The following EYS variants were observed in gnomAD, a reference collection of about 807,000 sequenced individuals.
The protein encoded by EYS is EGF-like photoreceptor maintenance factor.
In EYS, 250 loss-of-function variants were observed where a neutral mutation model predicts 282.1. The observed-to-expected ratio is 0.89, with a 90% CI of 0.80 to 0.98. The LOEUF (loss-of-function observed/expected upper bound fraction) is 0.98, where lower values mean the gene tolerates loss of function less well. EYS is among the 50% of genes least tolerant of loss of function. The pLI is 0.00. For synonymous variants in EYS, 1,355 were observed against 1,282.9 expected, an observed-to-expected ratio of 1.06 and a Z score of -1.20; for missense variants, 4,016 against 3,709.0, an observed-to-expected ratio of 1.08 and a Z score of -2.15.
chr6:64,296,147 A>T (rs1020410866), intron 30 of EYS, among the ~76,000 whole-genome samples: 3 of 152,272 alleles, frequency 2.0e-5, no homozygotes, highest in East Asian at 3.9e-4. Context: ...GTTTTGGCAT[A>T]ATATCAAAGA....
At chr6:65,291,885 T>G (rs893678997) in intron 12 of EYS, among the ~76,000 whole-genome samples, 4 of 151,598 alleles carry the variant, frequency 2.6e-5, no homozygotes, top group Middle Eastern at 3.2e-3. Flanking sequence ...CAGAATATAG[T>G]GCAGAGTGAT....
chr6:64,873,934 T>A (rs1200320149), intron 19 of EYS, among the ~76,000 whole-genome samples: 1 of 152,094 alleles, frequency 6.6e-6, no homozygotes, highest in Non-Finnish European at 1.5e-5. Context: ...ATTGCAAATG[T>A]CTTCAAAGCT....
chr6:64,060,213 T>C (rs1771117987), intron 33 of EYS, among the ~76,000 whole-genome samples: 1 of 152,200 alleles, frequency 6.6e-6, no homozygotes, highest in Non-Finnish European at 1.5e-5. Flanking sequence ...AAAGTTTTTA[T>C]ATATTTTAGA....
At chr6:65,218,477 A>G (rs1766374592) in intron 12 of EYS, among the ~76,000 whole-genome samples, 1 of 152,152 alleles carries the variant, frequency 6.6e-6, no homozygotes, top group Admixed American at 6.5e-5. Flanking sequence ...TCAGCAAAAC[A>G]AAAACAAAAC....
intron 29 of EYS, among the ~76,000 whole-genome samples, chr6:64,326,439 T>C (rs1397843658): frequency 2.6e-5 from 4 of 152,240 alleles, no homozygotes; most frequent in Admixed American, 2.0e-4. Flanking sequence ...CTTCCTTCTG[T>C]AACTTGCTTC....
chr6:64,154,548 G>A (rs1341526773), intron 31 of EYS, among the ~76,000 whole-genome samples: 1 of 148,914 alleles, frequency 6.7e-6, no homozygotes, highest in East Asian at 2.0e-4. Flanking sequence ...TTAGAAATTT[G>A]ATAAAATGGC....
At chr6:64,622,282 GC>G (rs892127333) in intron 23 of EYS, among the ~76,000 whole-genome samples, 4 of 152,128 alleles carry the variant, frequency 2.6e-5, no homozygotes, top group African/African-American at 9.6e-5. Flanking sequence ...GCTTACCATG[GC>G]CCTGTCATGA....
intron 22 of EYS, among the ~76,000 whole-genome samples, chr6:64,714,399 A>G (rs1176435221): frequency 6.6e-6 from 1 of 152,348 alleles, no homozygotes; most frequent in East Asian, 1.9e-4. Flanking sequence ...AGAAGGCAAT[A>G]TGACATAATA....
At chr6:64,716,636 A>C (rs1373823718) in intron 22 of EYS, among the ~76,000 whole-genome samples, 1 of 152,222 alleles carries the variant, frequency 6.6e-6, no homozygotes, top group African/African-American at 2.4e-5. Flanking sequence ...AGGCAGGATC[A>C]ACTCTTCACC....
chr6:65,433,587 C>T (rs1335978292), intron 5 of EYS, among the ~76,000 whole-genome samples: 1 of 152,134 alleles, frequency 6.6e-6, no homozygotes, highest in Admixed American at 6.6e-5. Flanking sequence ...AGTTTAGTGG[C>T]TGTGAAACAT....
At chr6:64,283,935 C>T (rs1768400739) in intron 30 of EYS, among the ~76,000 whole-genome samples, 1 of 152,098 alleles carries the variant, frequency 6.6e-6, no homozygotes, top group African/African-American at 2.4e-5. Context: ...CCCACCAAGT[C>T]CCTCCCACAA....
chr6:64,828,329 T>C (rs1180725084), intron 19 of EYS, among the ~76,000 whole-genome samples: 1 of 151,848 alleles, frequency 6.6e-6, no homozygotes, highest in Non-Finnish European at 1.5e-5. Flanking sequence ...GATAATATGA[T>C]AGGAGAAATA....
chr6:63,939,521 T>G (rs1023840775), intron 35 of EYS, among the ~76,000 whole-genome samples: 3 of 152,160 alleles, frequency 2.0e-5, no homozygotes, highest in African/African-American at 7.2e-5. Flanking sequence ...AGAAATATTT[T>G]TATAAGGTTT....
intron 12 of EYS, among the ~76,000 whole-genome samples, chr6:65,198,211 A>C (rs1033153570): frequency 1.3e-5 from 2 of 152,112 alleles, no homozygotes; most frequent in African/African-American, 4.8e-5. Context: ...CTACCGCCAC[A>C]TCTTGTCCCA....
At chr6:65,352,069 C>T (rs1764297851) in intron 9 of EYS, among the ~76,000 whole-genome samples, 1 of 151,798 alleles carries the variant, frequency 6.6e-6, no homozygotes, top group Non-Finnish European at 1.5e-5. Flanking sequence ...ATCAACAATG[C>T]TTTGCTCTCT....
intron 30 of EYS, among the ~76,000 whole-genome samples, chr6:64,299,537 A>G (rs1489724167): frequency 6.6e-6 from 1 of 152,200 alleles, no homozygotes; most frequent in African/African-American, 2.4e-5. Context: ...ACGAAGGTGA[A>G]AAGGACTGTG....
In EYS at chr6:64,539,493, T is replaced by C. The variant is rs547372459; in HGVS notation, c.5644+50730A>G. ...GGGAGGCTGAGGTGGGAGGATAGCC[T>C]GAGCCCGGGAGATTGAGGCTGCAGA... On this transcript the variant is annotated intron_variant, in intron 26 of 42. Coordinates refer to ENST00000503581, the MANE Select transcript of EYS (RefSeq NM_001142800.2). Among the ~76,000 whole-genome samples, 11 of 152,298 alleles carry C rather than the reference T, an allele frequency of 7.2e-5. No homozygotes were observed. The East Asian group carries it at 2.1e-3, about 29-fold the overall frequency.
chr6:63,876,156 A>G (rs1197167284), intron 35 of EYS, among the ~76,000 whole-genome samples: 1 of 152,074 alleles, frequency 6.6e-6, no homozygotes, highest in Non-Finnish European at 1.5e-5. Context: ...TGTCCCAGAG[A>G]TTCTGGTTTG....
intron 12 of EYS, among the ~76,000 whole-genome samples, chr6:65,095,878 G>A (rs191292119): frequency 1.3e-5 from 2 of 150,682 alleles, no homozygotes; most frequent in East Asian, 3.9e-4. Context: ...TTTCCTCTAT[G>A]ATCAGAAACA....
Sources: gnomAD v4.1 joint callset for allele counts (sites outside exome capture counted in the v4.1 genomes callset) on GRCh38, gnomAD v4.1.1 for gene constraint, MANE v1.5 for transcripts, NCBI Gene and HGNC (gene_info 2026-07-23, HGNC 2026-07-21) for gene names.